Variants in RALYL observed in about 807,000 individuals in gnomAD.
The protein encoded by RALYL is RNA-binding Raly-like protein.
A neutral mutation model predicts 35.1 loss-of-function variants in RALYL; 29 were observed. The observed-to-expected ratio is 0.83, with a 90% CI of 0.61 to 1.13. The LOEUF (loss-of-function observed/expected upper bound fraction) is 1.13. Among genes scored for constraint, RALYL ranks in the 50% most tolerant of loss-of-function variants. The probability of loss-of-function intolerance (pLI) is 0.00; values close to 1 mark genes in which losing one functional copy is unlikely to be tolerated. For missense variants in RALYL, 359 were observed against 360.4 expected (o/e 1.00, Z 0.03); for synonymous variants, 120 against 127.6 (o/e 0.94, Z 0.40).
At chr8:84,699,954 G>A (rs1003126425) in intron 2 of RALYL, among the ~76,000 whole-genome samples, 11 of 151,916 alleles carry the variant, frequency 7.2e-5, no homozygotes, top group Non-Finnish European at 1.5e-4. Context: ...AAGTATAATC[G>A]CTAGGAAATT....
At chr8:84,460,239 G>A (rs1262063212) in intron 1 of RALYL, among the ~76,000 whole-genome samples, 1 of 151,686 alleles carries the variant, frequency 6.6e-6, no homozygotes, top group African/African-American at 2.4e-5. Flanking sequence ...ATTTGTGGAA[G>A]TCTAAATGGG....
chr8:84,378,580 T>C (rs1274199720), intron 1 of RALYL, among the ~76,000 whole-genome samples: 8 of 151,894 alleles, frequency 5.3e-5, no homozygotes, highest in African/African-American at 1.9e-4. Flanking sequence ...TTCGCTACAG[T>C]TGCAGCAAAG....
intron 2 of RALYL, among the ~76,000 whole-genome samples, chr8:84,654,085 A>G (rs1203233764): frequency 6.7e-6 from 1 of 150,090 alleles, no homozygotes; most frequent in Non-Finnish European, 1.5e-5. Flanking sequence ...ACACACACAC[A>G]CAAATATATA....
chr8:84,522,143 T>G (rs2134694189), intron 1 of RALYL, among the ~76,000 whole-genome samples: 1 of 152,270 alleles, frequency 6.6e-6, no homozygotes, highest in South Asian at 2.1e-4. Flanking sequence ...ATCTCTTACA[T>G]TAATCAGTTT....
chr8:84,298,718 A>G (rs1185153241), intron 1 of RALYL, among the ~76,000 whole-genome samples: 1 of 151,928 alleles, frequency 6.6e-6, no homozygotes, highest in Admixed American at 6.6e-5. Flanking sequence ...TGTTTGTATC[A>G]TCTTTGATTT....
chr8:84,566,422 A>C (rs2061786575), intron 2 of RALYL, among the ~76,000 whole-genome samples: 1 of 151,602 alleles, frequency 6.6e-6, no homozygotes, highest in South Asian at 2.1e-4. Flanking sequence ...AGACTTCAGC[A>C]AGCTACAACA....
chr8:84,313,255 T>A (rs1423109359), intron 1 of RALYL, among the ~76,000 whole-genome samples: 1 of 152,212 alleles, frequency 6.6e-6, no homozygotes, highest in East Asian at 1.9e-4. Context: ...CATTTTTTCC[T>A]CCTAGGCCTC....
intron 1 of RALYL, among the ~76,000 whole-genome samples, chr8:84,265,005 C>T (rs988865933): frequency 6.6e-6 from 1 of 152,180 alleles, no homozygotes; most frequent in African/African-American, 2.4e-5. Context: ...AATGACTAGT[C>T]TGATGTGTTC....
intron 1 of RALYL, among the ~76,000 whole-genome samples, chr8:84,450,627 A>G (rs1259226919): frequency 6.6e-6 from 1 of 151,956 alleles, no homozygotes; most frequent in African/African-American, 2.4e-5. Context: ...ATTCAATGTT[A>G]AATTGCTTTT....
chr8:84,191,773 AAAG>A (rs1163214524), intron 1 of RALYL, among the ~76,000 whole-genome samples: 1 of 152,220 alleles, frequency 6.6e-6, no homozygotes, highest in African/African-American at 2.4e-5. Flanking sequence ...AATATATAAA[AAAG>A]AAAAATGACA....
chr8:84,840,371 G>A (rs1360735542), intron 4 of RALYL, among the ~76,000 whole-genome samples: 1 of 152,196 alleles, frequency 6.6e-6, no homozygotes, highest in Non-Finnish European at 1.5e-5. Flanking sequence ...GGGTATCAGT[G>A]ATGGAAGATC....
intron 1 of RALYL, among the ~76,000 whole-genome samples, chr8:84,388,691 TG>T (rs1405155636): frequency 6.6e-6 from 1 of 152,116 alleles, no homozygotes; most frequent in African/African-American, 2.4e-5. Flanking sequence ...TGGGGTTGTT[TG>T]TTTTTTTTCT....
At chr8:84,709,786 C>T (rs111743839) in intron 2 of RALYL, among the ~76,000 whole-genome samples, 10,751 of 152,072 alleles carry the variant, frequency 0.071, 891 homozygotes, top group African/African-American at 0.2. Flanking sequence ...GTCAGCCAGG[C>T]GCAGTGTCTC....
chr8:84,344,316 C>A (rs1318276514), intron 1 of RALYL, among the ~76,000 whole-genome samples: 2 of 151,728 alleles, frequency 1.3e-5, no homozygotes, highest in African/African-American at 2.4e-5. Flanking sequence ...ATCATCATAC[C>A]TTTAAACTTT....
chr8:84,659,915 A>T (rs1458632289), intron 2 of RALYL, among the ~76,000 whole-genome samples: 1 of 152,206 alleles, frequency 6.6e-6, no homozygotes, highest in African/African-American at 2.4e-5. Flanking sequence ...TCATTAAAAG[A>T]TAAAGTTAGA....
chr8:84,389,174 A>G (rs1003591711), intron 1 of RALYL, among the ~76,000 whole-genome samples: 4 of 152,016 alleles, frequency 2.6e-5, no homozygotes, highest in South Asian at 2.1e-4. Flanking sequence ...GTTATTTCTG[A>G]GGGCTCTGTT....
At chr8:84,522,330 AG>A (rs2058523003) in intron 1 of RALYL, among the ~76,000 whole-genome samples, 1 of 150,580 alleles carries the variant, frequency 6.6e-6, no homozygotes. Flanking sequence ...GCTCACTGCA[AG>A]CTCCGCCTTC....
At chr8:84,862,524 T>A in intron 6 of RALYL, 71 bp downstream of exon 6, 4 of 1,206,400 alleles carry the variant, frequency 3.3e-6, no homozygotes, top group Non-Finnish European at 4.5e-6. Flanking sequence ...CGAATGCCTA[T>A]ATTCAATAAA....
At chr8:84,792,211 T>C (rs1397199592) in intron 3 of RALYL, among the ~76,000 whole-genome samples, 1 of 152,186 alleles carries the variant, frequency 6.6e-6, no homozygotes, top group Non-Finnish European at 1.5e-5. Context: ...AAGAATCAGG[T>C]CACACACAGA....
Sources: gnomAD v4.1 joint callset for allele counts (sites outside exome capture counted in the v4.1 genomes callset) on GRCh38, gnomAD v4.1.1 for gene constraint, MANE v1.5 for transcripts, NCBI Gene and HGNC (gene_info 2026-07-23, HGNC 2026-07-21) for gene names.